ARHGAP18: variants seen among roughly 807,000 people sequenced by gnomAD.
The protein encoded by ARHGAP18 is rho GTPase-activating protein 18.
A neutral mutation model predicts 86.2 loss-of-function variants in ARHGAP18; 67 were observed. That is an observed-to-expected ratio of 0.78 (90% CI 0.64 to 0.95). The LOEUF (loss-of-function observed/expected upper bound fraction) is 0.95, where lower values mean the gene tolerates loss of function less well. Ranked by LOEUF, ARHGAP18 falls within the 40% of genes least tolerant of loss-of-function variation. ARHGAP18 has a pLI of 0.00. For synonymous variants in ARHGAP18, 283 were observed against 280.4 expected, an observed-to-expected ratio of 1.01 and a Z score of -0.09; for missense variants, 691 against 780.4, an observed-to-expected ratio of 0.89 and a Z score of 1.37.
chr6:129,699,438 A>G (rs1562728908), intron 1 of ARHGAP18, among the ~76,000 whole-genome samples: 1 of 152,198 alleles, frequency 6.6e-6, no homozygotes, highest in South Asian at 2.1e-4. Context: ...CTGGAGAGGC[A>G]ACAAAGAAAC....
At chr6:129,587,205 C>G (rs1190753235) in intron 12 of ARHGAP18, among the ~76,000 whole-genome samples, 2 of 152,058 alleles carry the variant, frequency 1.3e-5, no homozygotes, top group Admixed American at 6.5e-5. Context: ...ATCTTAGGAA[C>G]AATGTCTAAA....
intron 1 of ARHGAP18, among the ~76,000 whole-genome samples, chr6:129,653,624 T>G (rs1022162158): frequency 1.3e-5 from 2 of 152,246 alleles, no homozygotes; most frequent in African/African-American, 4.8e-5. Context: ...ATGTGAATAC[T>G]ACTACAAAAC....
rs1001072355 is a variant in ARHGAP18, at chr6:129,695,481, G to A, written c.113+14543C>T. On this transcript the variant is annotated intron_variant, in intron 1 of 14. Transcript: ENST00000368149. ...GAGATGTGTAAATAGCTATAAGAAT[G>A]GGCCTTTCATTTTAAGAGCTGCTAC... 1.3e-5 allele frequency among the ~76,000 whole-genome samples: 2 copies of A among 152,246 alleles called. 1 individual carries two copies. The highest frequency in any genetic ancestry group is 3.9e-4 in the East Asian group (2 of 5,188).
At chr6:129,578,711 T>C in intron 14 of ARHGAP18, 107 bp from the exon 15 acceptor site, 1 of 912,994 alleles carries the variant, frequency 1.1e-6, no homozygotes, top group South Asian at 1.8e-5. Flanking sequence ...TCAAAATACT[T>C]ATTCTACTTT....
intron 7 of ARHGAP18, among the ~76,000 whole-genome samples, chr6:129,613,688 A>G (rs775365360): frequency 2.0e-5 from 3 of 152,232 alleles, no homozygotes; most frequent in Non-Finnish European, 4.4e-5. Context: ...AAGGAATGCC[A>G]TGTGTTTTCT....
intron 5 of ARHGAP18, among the ~76,000 whole-genome samples, chr6:129,623,229 A>C (rs968723730): frequency 2.0e-5 from 3 of 152,148 alleles, no homozygotes; most frequent in African/African-American, 7.2e-5. Context: ...CTTGGAAAGC[A>C]AGAGAAAGGA....
At chr6:129,672,417 C>T (rs965812323) in intron 1 of ARHGAP18, among the ~76,000 whole-genome samples, 1 of 152,220 alleles carries the variant, frequency 6.6e-6, no homozygotes, top group Non-Finnish European at 1.5e-5. Context: ...CCCAAGAGAA[C>T]TCATTCAGCA....
At chr6:129,610,703 C>A (rs780110675) in intron 8 of ARHGAP18, among the ~76,000 whole-genome samples, 1 of 152,152 alleles carries the variant, frequency 6.6e-6, no homozygotes, top group Non-Finnish European at 1.5e-5. Context: ...TCTTGGCTCA[C>A]TGCAACCTCT....
At chr6:129,629,556 T>A (rs760860829) in intron 4 of ARHGAP18, 34 bp from the exon 5 acceptor site, 2 of 1,568,252 alleles carry the variant, frequency 1.3e-6, no homozygotes, top group Non-Finnish European at 1.7e-6. Context: ...CCAATTCATA[T>A]GCTTTATTTA....
At chr6:129,672,109 G>A (rs139620802) in intron 1 of ARHGAP18, among the ~76,000 whole-genome samples, 2,271 of 151,914 alleles carry the variant, frequency 0.015, 69 homozygotes, top group African/African-American at 0.051. Context: ...ACACACACAC[G>A]CTTCCTCTCC....
intron 12 of ARHGAP18, among the ~76,000 whole-genome samples, chr6:129,586,525 AGT>A (rs1788398004): frequency 6.6e-6 from 1 of 152,146 alleles, no homozygotes; most frequent in Non-Finnish European, 1.5e-5. Context: ...GTTAAGTCAT[AGT>A]GTCAAATATC....
At chr6:129,672,674 T>C (rs897558155) in intron 1 of ARHGAP18, among the ~76,000 whole-genome samples, 16 of 152,224 alleles carry the variant, frequency 1.1e-4, no homozygotes, top group African/African-American at 3.4e-4. Context: ...AATCAACCTA[T>C]AGGAAACAAC....
intron 1 of ARHGAP18, among the ~76,000 whole-genome samples, chr6:129,703,749 G>A (rs1471622394): frequency 6.6e-6 from 1 of 152,148 alleles, no homozygotes; most frequent in African/African-American, 2.4e-5. Flanking sequence ...AAACCACAGT[G>A]AAGAAAATGC....
chr6:129,590,818 G>A (rs1479398647), intron 12 of ARHGAP18, among the ~76,000 whole-genome samples: 3 of 152,158 alleles, frequency 2.0e-5, no homozygotes, highest in Non-Finnish European at 4.4e-5. Context: ...TGTGGTTTGT[G>A]TGTCTATGGG....
chr6:129,687,273 C>T (rs556942004), intron 1 of ARHGAP18, among the ~76,000 whole-genome samples: 115 of 152,232 alleles, frequency 7.6e-4, no homozygotes, highest in African/African-American at 2.7e-3. Context: ...TTGTAAGTTA[C>T]CAGTTTCCAA....
At chr6:129,629,624 T>G in intron 4 of ARHGAP18, 102 bp from the exon 5 acceptor site, 3 of 1,225,112 alleles carry the variant, frequency 2.4e-6, no homozygotes, top group Non-Finnish European at 3.4e-6. Flanking sequence ...AAGAGTACTA[T>G]TTTCTCTAGG....
intron 5 of ARHGAP18, among the ~76,000 whole-genome samples, chr6:129,629,110 G>A (rs1434129174): frequency 6.6e-6 from 1 of 152,060 alleles, no homozygotes; most frequent in African/African-American, 2.4e-5. Flanking sequence ...TGAGCCAGGT[G>A]TGATGGCTCA....
chr6:129,582,705 T>C (rs909554509), intron 13 of ARHGAP18, among the ~76,000 whole-genome samples: 1 of 152,218 alleles, frequency 6.6e-6, no homozygotes, highest in African/African-American at 2.4e-5. Context: ...TGATGCTCTG[T>C]AGATCCTCCA....
chr6:129,657,446 C>T (rs370012683), intron 1 of ARHGAP18, among the ~76,000 whole-genome samples: 1 of 115,902 alleles, frequency 8.6e-6, no homozygotes, highest in Non-Finnish European at 1.9e-5. Flanking sequence ...AAAAAAAAAA[C>T]AACTTAATAC....
Sources: allele counts gnomAD v4.1 joint callset (sites outside exome capture counted in the v4.1 genomes callset), GRCh38; gene constraint gnomAD v4.1.1; transcripts MANE v1.5; gene names NCBI Gene and HGNC (gene_info 2026-07-23, HGNC 2026-07-21).